GPHN: variants seen among roughly 807,000 people sequenced by gnomAD.
GPHN encodes gephyrin.
In GPHN, 17 loss-of-function variants were observed where a neutral mutation model predicts 95.5. The observed-to-expected ratio is 0.18, with a 90% CI of 0.12 to 0.27. The LOEUF is 0.27. Ranked by LOEUF, GPHN falls within the 10% of genes least tolerant of loss-of-function variation. The pLI is 1.00. For synonymous variants in GPHN, 320 were observed against 322.5 expected (o/e 0.99, Z 0.08); for missense variants, 660 against 978.1 (o/e 0.67, Z 4.34).
the GPHN span, among the ~76,000 whole-genome samples, chr14:67,342,987 G>A: frequency 1.3e-5 from 2 of 152,128 alleles, no homozygotes; most frequent in Non-Finnish European, 2.9e-5. Flanking sequence ...GGCTTATACT[G>A]ATTTAAAGTT....
intron 11 of GPHN, among the ~76,000 whole-genome samples, chr14:67,060,057 TTAA>T (rs952287359): frequency 6.6e-6 from 1 of 152,088 alleles, no homozygotes; most frequent in South Asian, 2.1e-4. Context: ...TATAAAAAAA[TTAA>T]TAATACTTTA....
the GPHN span, among the ~76,000 whole-genome samples, chr14:67,260,775 T>G: frequency 1.3e-5 from 2 of 152,196 alleles, no homozygotes; most frequent in African/African-American, 4.8e-5. Flanking sequence ...AGTTGACTAT[T>G]AAATTAATAA....
chr14:67,193,117 T>G, the GPHN span, among the ~76,000 whole-genome samples: 1 of 144,170 alleles, frequency 6.9e-6, no homozygotes. Context: ...TATAGATATC[T>G]CTCTATATAT....
the GPHN span, chr14:67,204,933 TGAGGTCCCA>T: frequency 6.2e-7 from 1 of 1,613,350 alleles, no homozygotes; most frequent in Non-Finnish European, 8.5e-7. Context: ...TTCCAGAAAA[TGAGGTCCCA>T]GAGGTCCCGG....
chr14:67,094,420 A>T (rs1224357554), intron 12 of GPHN, among the ~76,000 whole-genome samples: 3 of 152,202 alleles, frequency 2.0e-5, no homozygotes, highest in Non-Finnish European at 4.4e-5. Flanking sequence ...CACTTCTTTC[A>T]AATTAAATTC....
At chr14:67,566,553 T>G in the GPHN span, among the ~76,000 whole-genome samples, 1 of 148,716 alleles carries the variant, frequency 6.7e-6, no homozygotes, top group African/African-American at 2.4e-5. Context: ...AAGACCAACC[T>G]GGGCAACACG....
chr14:66,790,892 C>G (rs2059947647), intron 3 of GPHN, among the ~76,000 whole-genome samples: 1 of 152,228 alleles, frequency 6.6e-6, no homozygotes, highest in Non-Finnish European at 1.5e-5. Context: ...TAATTTTGTA[C>G]ATGCCTAATT....
chr14:67,039,935 C>T (rs1320985064), intron 10 of GPHN, among the ~76,000 whole-genome samples: 1 of 152,118 alleles, frequency 6.6e-6, no homozygotes, highest in Non-Finnish European at 1.5e-5. Context: ...GTACTGTGTG[C>T]ATAACATCTT....
In GPHN at chr14:66,508,240, G is replaced by A; in HGVS notation, c.-288G>A. 1 of 549,308 alleles carries A rather than the reference G, an allele frequency of 1.8e-6. No homozygotes were observed. The highest frequency in any genetic ancestry group is 3.3e-6 in the Non-Finnish European group (1 of 305,296). The allele number at this position is 549,308 out of a possible 1,614,324, so 34.0% of individuals were successfully genotyped here. A position where few individuals can be genotyped will look rare whatever the true frequency, so the allele number is the denominator to read the frequency against. On this transcript the variant is annotated 5_prime_UTR_variant, in exon 1 of 23. Transcript: ENST00000478722. ...CGGCCTCGTTCTGCCGCCTCCGCGC[G>A]CTCTCCCCGTGCGGCCACCGCGCCC...
chr14:67,707,438 A>G, the GPHN span, among the ~76,000 whole-genome samples: 13 of 151,644 alleles, frequency 8.6e-5, no homozygotes, highest in Non-Finnish European at 1.8e-4. Context: ...GAATATATAT[A>G]TATTTTTTGA....
chr14:66,850,500 A>G (rs2062534614), intron 4 of GPHN, among the ~76,000 whole-genome samples: 1 of 152,084 alleles, frequency 6.6e-6, no homozygotes, highest in Admixed American at 6.6e-5. Flanking sequence ...GTGAATTAAC[A>G]TGTAGTTTGT....
At chr14:67,656,179 G>C in the GPHN span, among the ~76,000 whole-genome samples, 2 of 151,558 alleles carry the variant, frequency 1.3e-5, no homozygotes, top group Non-Finnish European at 2.9e-5. Context: ...CCAGGATGCG[G>C]AGGTTGCAGC....
intron 1 of GPHN, among the ~76,000 whole-genome samples, chr14:66,595,868 G>A (rs1474669779): frequency 3.9e-5 from 6 of 152,198 alleles, no homozygotes; most frequent in South Asian, 2.1e-4. Flanking sequence ...CAGTCGTGCC[G>A]TTCCGCAGGT....
At chr14:66,980,888 T>A (rs904912573) in intron 9 of GPHN, among the ~76,000 whole-genome samples, 3 of 152,024 alleles carry the variant, frequency 2.0e-5, no homozygotes, top group African/African-American at 7.3e-5. Flanking sequence ...TTGTCTCTAT[T>A]AAAAACACAA....
rs372765926 is a variant in GPHN, at chr14:67,019,093, T to A, written c.964-4540T>A. ...AATATGAAAGCAAAGTTGAATTTTT[T>A]CCTGAAGAGCTGAAATAAGCCTATT... On this transcript the variant is annotated intron_variant, in intron 9 of 22. Transcript: ENST00000478722. Among the ~76,000 whole-genome samples, 34 of 152,342 alleles carry A rather than the reference T, an allele frequency of 2.2e-4. No individual in the cohort carries two copies. In the East Asian group the frequency reaches 2.9e-3, roughly 13 times the overall value.
chr14:66,867,536 A>G (rs1367814328), intron 4 of GPHN, among the ~76,000 whole-genome samples: 1 of 152,202 alleles, frequency 6.6e-6, no homozygotes, highest in East Asian at 1.9e-4. Context: ...ATGTCCCAAG[A>G]AAAATATTTT....
intron 1 of GPHN, among the ~76,000 whole-genome samples, chr14:66,652,937 T>C (rs2065115672): frequency 6.6e-6 from 1 of 152,198 alleles, no homozygotes; most frequent in African/African-American, 2.4e-5. Flanking sequence ...CCTCCTGCAT[T>C]CCATGCAGGC....
rs561603310 is a variant in GPHN at position 66,842,753 on chromosome 14, G to A, written c.294+18187G>A. 20 of 1,438,164 alleles carry A rather than the reference G, an allele frequency of 1.4e-5. No homozygotes were observed. The African/African-American group carries it at 2.4e-4, about 17-fold the overall frequency. 89.1% of individuals were successfully genotyped at this position (1,438,164 alleles called of 1,614,324 possible). ...CTTCAATCCCAGCCAATCATTTTCA[G>A]ATTAATAATTTTTAGTGTTTTGGTT... On this transcript the variant is annotated intron_variant, in intron 4 of 22. Transcript: ENST00000478722.
chr14:67,589,046 A>C, the GPHN span: 140 of 152,802 alleles, frequency 9.2e-4, 2 homozygotes, highest in Non-Finnish European at 1.5e-3. Flanking sequence ...AGGTTCCTGA[A>C]TAATTCCTGC....
Sources: gnomAD v4.1 joint callset for allele counts (sites outside exome capture counted in the v4.1 genomes callset) on GRCh38, gnomAD v4.1.1 for gene constraint, MANE v1.5 for transcripts, NCBI Gene and HGNC (gene_info 2026-07-23, HGNC 2026-07-21) for gene names.